Variants in KIF20B observed in about 807,000 individuals in gnomAD.
KIF20B encodes the protein kinesin family member 20B, also known as kinesin-like protein KIF20B.
In KIF20B, 188 loss-of-function variants were observed where a neutral mutation model predicts 232.5. The ratio of observed to expected loss-of-function variants is 0.81; its 90% CI spans 0.72 to 0.91. The LOEUF is 0.91. KIF20B is among the 40% of genes least tolerant of loss of function. KIF20B has a pLI of 0.00. For synonymous variants in KIF20B, 712 were observed against 683.0 expected, an observed-to-expected ratio of 1.04 and a Z score of -0.66; for missense variants, 2,154 against 2,055.9, an observed-to-expected ratio of 1.05 and a Z score of -0.92.
chr10:89,716,597 G>C (rs907389763), intron 9 of KIF20B, 50 bp downstream of exon 9: 3 of 895,918 alleles, frequency 3.3e-6, no homozygotes, highest in African/African-American at 3.4e-5. Flanking sequence ...ATAGTATTCT[G>C]TGTTAATTTA....
chr10:89,704,290 G>T (rs540043485), intron 1 of KIF20B, among the ~76,000 whole-genome samples: 1 of 152,226 alleles, frequency 6.6e-6, no homozygotes, highest in East Asian at 1.9e-4. Context: ...ACAGCACAGA[G>T]TCCTCCTCCT....
chr10:89,738,744 T>A, intron 20 of KIF20B, 127 bp downstream of exon 20: 2 of 1,268,254 alleles, frequency 1.6e-6, no homozygotes, highest in South Asian at 3.4e-5. Flanking sequence ...GTGAAGAACT[T>A]GAACTTTGTC....
intron 19 of KIF20B, among the ~76,000 whole-genome samples, chr10:89,734,548 G>T (rs1841602085): frequency 6.6e-6 from 1 of 152,082 alleles, no homozygotes; most frequent in Non-Finnish European, 1.5e-5. Context: ...CCTTTATTTT[G>T]CTCATAACTT....
chr10:89,728,017 A>G, intron 17 of KIF20B, 121 bp downstream of exon 17: 4 of 801,444 alleles, frequency 5.0e-6, no homozygotes, highest in Non-Finnish European at 7.1e-6. Context: ...CTTGGTATGC[A>G]TGGGGGATTG....
rs1226361268 is a variant in KIF20B, at chr10:89,717,620, C to T, written c.1169C>T (p.Thr390Ile). The T allele has an allele frequency of 9.3e-6, 15 of 1,611,326 alleles. No homozygotes were observed. Among genetic ancestry groups the T allele is most frequent in the Admixed American group, 1.7e-5 (1 of 59,886 alleles). ...GCTGGTTCAGAACGAACTATGAAGA[C>T]ACAGAATGAAGGTGAAAGGTTAAGA... The part of the protein sequence containing the change: ...DLAGSERTMK[T>I]QNEGERLRET... Residue 390 changes from threonine (T) to isoleucine (I), a missense_variant, in exon 11 of 33, where the codon ACA becomes ATA. Transcript: ENST00000371728.
Position 89,704,806 on chromosome 10 carries a change from C to T in KIF20B, c.-1-488C>T, listed in dbSNP as rs570899476. Among the ~76,000 whole-genome samples, 3 of 152,344 alleles carry T rather than the reference C, an allele frequency of 2.0e-5. No individual in the cohort carries two copies. In the East Asian group the frequency reaches 5.8e-4, roughly 29 times the overall value. Reference sequence around the variant, plus strand: ...ACTCCTGGCCTCGTGATCGACCCGCCTTGGCCTCCCAAAGTGCTGGGATTA... The same window carrying T: ...ACTCCTGGCCTCGTGATCGACCCGCTTTGGCCTCCCAAAGTGCTGGGATTA... On this transcript the variant is annotated intron_variant, in intron 1 of 32. Coordinates refer to ENST00000371728, the MANE Select transcript of KIF20B (RefSeq NM_001284259.2).
At chr10:89,703,240 C>T (rs1464255728) in intron 1 of KIF20B, among the ~76,000 whole-genome samples, 4 of 152,176 alleles carry the variant, frequency 2.6e-5, no homozygotes, top group Non-Finnish European at 4.4e-5. Flanking sequence ...CCCCCTTACC[C>T]ATGATCTAGA....
chr10:89,746,479 CATCTGCTGGT>C (rs1458960657), intron 23 of KIF20B, among the ~76,000 whole-genome samples: 1 of 152,196 alleles, frequency 6.6e-6, no homozygotes, highest in East Asian at 1.9e-4. Flanking sequence ...GGCCTGCCAG[CATCTGCTGGT>C]ATCTGCTGGT....
intron 25 of KIF20B, 33 bp from the exon 26 acceptor site, chr10:89,754,485 T>C (rs558158832): frequency 7.1e-7 from 1 of 1,404,152 alleles, no homozygotes; most frequent in East Asian, 2.5e-5. Flanking sequence ...TTTGTAGGCA[T>C]GCGATAATAA....
At chr10:89,707,880 A>G (rs1283667277) in intron 2 of KIF20B, among the ~76,000 whole-genome samples, 4 of 152,150 alleles carry the variant, frequency 2.6e-5, no homozygotes, top group Non-Finnish European at 5.9e-5. Context: ...TGGACGTTGG[A>G]TTTTGTCAAA....
At chr10:89,725,728 T>C (rs981426819) in intron 15 of KIF20B, among the ~76,000 whole-genome samples, 3 of 152,224 alleles carry the variant, frequency 2.0e-5, no homozygotes, top group African/African-American at 7.2e-5. Flanking sequence ...TGCACGCCAC[T>C]GTGCTCAGCT....
rs186332009 is a variant in KIF20B at position 89,748,845 on chromosome 10, G to A, written c.4097-2501G>A. On this transcript the variant is annotated intron_variant, in intron 23 of 32. Transcript: ENST00000371728. ...TGGAGAAGTATGGCATAGGCCCACC[G>A]TGACTATTTTAATCTGACTTCCACC... Among the ~76,000 whole-genome samples, 198 of 151,890 alleles carry A rather than the reference G, an allele frequency of 1.3e-3. 2 individuals carry two copies. Among genetic ancestry groups the A allele is most frequent in the Non-Finnish European group, 2.7e-4 (18 of 67,910 alleles).
intron 28 of KIF20B, among the ~76,000 whole-genome samples, chr10:89,761,643 T>G (rs1228639085): frequency 6.6e-6 from 1 of 152,212 alleles, no homozygotes; most frequent in South Asian, 2.1e-4. Flanking sequence ...GAAAATAACA[T>G]GAGCCATTCA....
At chr10:89,729,308 G>T in intron 18 of KIF20B, 61 bp downstream of exon 18, 1 of 1,354,340 alleles carries the variant, frequency 7.4e-7, no homozygotes, top group South Asian at 1.4e-5. Context: ...TGGTTGAAAG[G>T]AAATAATTTA....
chr10:89,765,827 G>A (rs533987853), intron 29 of KIF20B, among the ~76,000 whole-genome samples: 1 of 152,118 alleles, frequency 6.6e-6, no homozygotes, highest in Admixed American at 6.6e-5. Flanking sequence ...TTGAATATTG[G>A]CCCCCACTCT....
At position 89,773,954 on chromosome 10, in the gene KIF20B, G is replaced by A; in HGVS notation, c.5386-17G>A. 6.8e-7 allele frequency: 1 copy of A among 1,473,340 alleles called. No individual in the cohort carries two copies. Among genetic ancestry groups the A allele is most frequent in the East Asian group, 2.3e-5 (1 of 43,168 alleles). 91.3% of individuals were successfully genotyped at this position (1,473,340 alleles called of 1,614,324 possible). ...TCACTTACAAGCTTTGAAAAACTAT[G>A]AAATTTTTAATTTCAGATTTTAATG... is the stretch of plus-strand genomic sequence containing the variant. On this transcript the variant is annotated splice_polypyrimidine_tract_variant and intron_variant, in intron 32 of 32. Transcript: ENST00000371728.
intron 29 of KIF20B, among the ~76,000 whole-genome samples, chr10:89,767,223 G>T (rs1842380682): frequency 1.4e-5 from 2 of 146,262 alleles, no homozygotes; most frequent in African/African-American, 2.5e-5. Context: ...TGGTATGTGT[G>T]CAGAATGTGC....
chr10:89,738,211 C>A lies in KIF20B; in HGVS notation c.3370C>A (p.Leu1124Met), dbSNP rs752953055. The A allele has an allele frequency of 6.2e-7, 1 of 1,602,438 alleles. No individual in the cohort carries two copies. ...AGAAAAAGAAACTCTTATACAGCAG[C>A]TGAAAGAAGAATTGCAAGAAAAAAA... Reference protein sequence around the residue: ...LKEKETLIQQLKEELQEKNVT... With the variant: ...LKEKETLIQQMKEELQEKNVT... Residue 1124 changes from leucine to methionine, a missense_variant, in exon 20 of 33, where the codon CTG becomes ATG. Physicochemically the swap from Leu to Met is conservative, Grantham distance 15. Transcript: ENST00000371728.
intron 6 of KIF20B, 150 bp downstream of exon 6, chr10:89,711,295 T>A: frequency 1.3e-5 from 6 of 464,878 alleles, no homozygotes; most frequent in Non-Finnish European, 2.2e-5. Flanking sequence ...GCTTAAAGTG[T>A]GAAGACATCT....
Sources: allele counts gnomAD v4.1 joint callset (sites outside exome capture counted in the v4.1 genomes callset), GRCh38; gene constraint gnomAD v4.1.1; transcripts MANE v1.5; gene names NCBI Gene and HGNC (gene_info 2026-07-23, HGNC 2026-07-21).